RP2: variants seen among roughly 807,000 people sequenced by gnomAD.
RP2 encodes RP2 activator of ARL3 GTPase.
Under a neutral mutation model 20.3 loss-of-function variants are expected in RP2, and 3 were observed. The ratio of observed to expected loss-of-function variants is 0.15; its 90% CI spans 0.07 to 0.38. RP2 has a LOEUF of 0.38. Among genes scored for constraint, RP2 ranks in the 10% least tolerant of loss-of-function variants. The probability of loss-of-function intolerance (pLI) is 1.00; values close to 1 mark genes in which losing one functional copy is unlikely to be tolerated. For synonymous variants in RP2, 75 were observed against 94.8 expected (o/e 0.79, Z 1.22); for missense variants, 233 against 268.5 (o/e 0.87, Z 0.92).
Position 46,881,285 on chromosome X carries a change from A to G in RP2, c.*1516A>G. ...AGCACTGCATCATTTCAATTCTTTT[A>G]TAAGGGCATTCAATACTACAAAATC... On this transcript the variant is annotated 3_prime_UTR_variant, in exon 5 of 5. Transcript: ENST00000218340. The G allele has an allele frequency of 9.0e-6, 1 of 111,306 alleles. No individual in the cohort carries two copies. The highest frequency in any genetic ancestry group is 1.9e-5 in the Non-Finnish European group (1 of 53,034). The allele number at this position is 111,306 out of a possible 1,213,427, so 9.2% of individuals were successfully genotyped here. A position where few individuals can be genotyped will look rare whatever the true frequency, so the allele number is the denominator to read the frequency against.
At chrX:46,872,982 G>A (rs1407442475) in intron 3 of RP2, among the ~76,000 whole-genome samples, 1 of 111,292 alleles carries the variant, frequency 9.0e-6, no homozygotes, top group African/African-American at 3.3e-5. Context: ...AAAGCGATCT[G>A]CCTGCCTCAG....
Position 46,860,066 on chromosome X carries a change from G to A in RP2, c.847G>A (p.Glu283Lys). 1 of 1,207,622 alleles carries A rather than the reference G, an allele frequency of 8.3e-7. No homozygotes were observed. The highest frequency in any genetic ancestry group is 1.1e-6 in the Non-Finnish European group (1 of 891,807). Residue 283 changes from glutamate to lysine, a missense_variant, in exon 3 of 5, where the codon GAA becomes AAA. By Grantham distance (56) the Glu-to-Lys change is moderately conservative. Around this residue, in one of 3 missense-constraint regions of RP2, gnomAD observed 118 missense variants for 123.8 expected, o/e 0.95. Transcript: ENST00000218340. The stretch of plus-strand genomic sequence containing the variant: ...TGAGGATGCTCAAAGGGTTTTTCGG[G>A]AAAAAGCACCTGACTTCCTTCCTCT... ...KAEDAQRVFR[E>K]KAPDFLPLLN...
At chrX:46,852,202 G>A (rs964024278) in intron 1 of RP2, among the ~76,000 whole-genome samples, 8 of 108,544 alleles carry the variant, frequency 7.4e-5, no homozygotes, top group Non-Finnish European at 1.3e-4. Flanking sequence ...GCGAGACTCC[G>A]TCTCGAAAGA....
intron 4 of RP2, among the ~76,000 whole-genome samples, chrX:46,877,938 T>G (rs1282607780): frequency 4.5e-5 from 5 of 111,483 alleles, no homozygotes; most frequent in African/African-American, 1.6e-4. Flanking sequence ...AAAATACTGA[T>G]TTGTTGAAAA....
intron 2 of RP2, among the ~76,000 whole-genome samples, chrX:46,859,155 C>T (rs1223158528): frequency 1.8e-5 from 2 of 111,544 alleles, no homozygotes; most frequent in Non-Finnish European, 3.8e-5. Flanking sequence ...CATTATTGTG[C>T]TATACTATAT....
chrX:46,878,356 G>A (rs781977082), intron 4 of RP2, among the ~76,000 whole-genome samples: 44 of 98,686 alleles, frequency 4.5e-4, no homozygotes, highest in Non-Finnish European at 7.1e-4. Flanking sequence ...CAGCCTGGGC[G>A]ACAGAGCGAG....
intron 1 of RP2, among the ~76,000 whole-genome samples, chrX:46,852,546 CA>C (rs781890881): frequency 3.0e-3 from 334 of 111,120 alleles, no homozygotes; most frequent in Middle Eastern, 9.2e-3. Context: ...AAATATATTT[CA>C]GTCTGGGTAC....
chrX:46,847,722 GTGTGTGTGTATATACACACATA>G (rs1569531350), intron 1 of RP2, among the ~76,000 whole-genome samples: 2 of 73,530 alleles, frequency 2.7e-5, no homozygotes, highest in Non-Finnish European at 5.7e-5. Flanking sequence ...ACACATATAT[GTGTGTGTGTATATACACACATA>G]TGTGTGTGTG....
intron 2 of RP2, among the ~76,000 whole-genome samples, chrX:46,854,790 G>A (rs372395692): frequency 1.8e-5 from 2 of 109,881 alleles, no homozygotes; most frequent in Non-Finnish European, 3.8e-5. Context: ...TTTTGTGACG[G>A]GGTCTTGCTC....
intron 1 of RP2, 139 bp downstream of exon 1, chrX:46,837,341 G>A: frequency 1.5e-6 from 1 of 661,596 alleles, no homozygotes; most frequent in Non-Finnish European, 2.4e-6. Context: ...CGGGGTGCAC[G>A]ACTTTTTTGG....
At chrX:46,875,162 G>A (rs797044348) in intron 3 of RP2, among the ~76,000 whole-genome samples, 5 of 109,419 alleles carry the variant, frequency 4.6e-5, no homozygotes, top group South Asian at 8.0e-4. Flanking sequence ...GGGTTTACAC[G>A]GTGACGACCT....
intron 1 of RP2, among the ~76,000 whole-genome samples, chrX:46,853,034 TA>T (rs1924889480): frequency 8.9e-6 from 1 of 112,437 alleles, no homozygotes; most frequent in African/African-American, 3.2e-5. Context: ...AACAATCATT[TA>T]AAAATATATT....
At chrX:46,842,154 A>G (rs1221895623) in intron 1 of RP2, among the ~76,000 whole-genome samples, 9 of 111,937 alleles carry the variant, frequency 8.0e-5, no homozygotes, top group Non-Finnish European at 1.7e-4. Context: ...GCCGCAGGCA[A>G]TCTGCCTGCC....
chrX:46,853,584 A>C lies in RP2; in HGVS notation c.211A>C (p.Asn71His). 8.3e-7 allele frequency: 1 copy of C among 1,211,315 alleles called. No individual in the cohort carries two copies. The highest frequency in any genetic ancestry group is 1.1e-6 in the Non-Finnish European group (1 of 895,091). ...QFLIQDCENC[N>H]IYIFDHSATV... ...TCTCATTCAAGACTGTGAGAACTGT[A>C]ACATCTATATTTTTGATCACTCTGC... The change falls in exon 2 of 5, where the codon AAC becomes CAC. Residue 71 changes from asparagine (N) to histidine (H), a missense_variant. By Grantham distance (68) the Asn-to-His change is moderately conservative. Coordinates refer to ENST00000218340, the MANE Select transcript of RP2 (RefSeq NM_006915.3).
intron 2 of RP2, among the ~76,000 whole-genome samples, chrX:46,854,842 G>A (rs948718893): frequency 1.1e-4 from 12 of 109,904 alleles, no homozygotes; most frequent in Non-Finnish European, 2.1e-4. Flanking sequence ...TCGGCTCACC[G>A]CAACTTCTGC....
chrX:46,853,450 T>C (rs782372236), intron 1 of RP2, 26 bp from the exon 2 acceptor site: 1 of 1,193,216 alleles, frequency 8.4e-7, no homozygotes, highest in South Asian at 1.8e-5. Flanking sequence ...TTAATAATAC[T>C]CAAGGTCTGT....
intron 3 of RP2, among the ~76,000 whole-genome samples, chrX:46,864,712 A>G (rs1224787714): frequency 8.9e-6 from 1 of 111,882 alleles, no homozygotes; most frequent in Non-Finnish European, 1.9e-5. Flanking sequence ...AGCCCAGCCA[A>G]TAAACAAATT....
intron 3 of RP2, among the ~76,000 whole-genome samples, chrX:46,867,476 CA>C (rs1925195186): frequency 1.8e-5 from 2 of 112,829 alleles, no homozygotes; most frequent in African/African-American, 6.4e-5. Context: ...AATTGTTGGA[CA>C]TCCTGCTTGT....
At chrX:46,879,229 ACT>A (rs1223930067) in intron 4 of RP2, among the ~76,000 whole-genome samples, 1 of 109,320 alleles carries the variant, frequency 9.1e-6, no homozygotes, top group Non-Finnish European at 1.9e-5. Context: ...ACAGAGCAAG[ACT>A]CTGTCTCAAA....
Sources: allele counts gnomAD v4.1 joint callset (sites outside exome capture counted in the v4.1 genomes callset), GRCh38; gene constraint gnomAD v4.1.1; regional missense constraint gnomAD v4.1.1; transcripts MANE v1.5; gene names NCBI Gene and HGNC (gene_info 2026-07-23, HGNC 2026-07-21).